Variants in ACACA observed in about 807,000 individuals in gnomAD.
The protein encoded by ACACA is acetyl-CoA carboxylase alpha.
In ACACA, 103 loss-of-function variants were observed where a neutral mutation model predicts 296.1. The ratio of observed to expected loss-of-function variants is 0.35; its 90% CI spans 0.30 to 0.41. The LOEUF is 0.41. ACACA is among the 10% of genes least tolerant of loss of function. The pLI is 1.00. For synonymous variants in ACACA, 953 were observed against 1,038.6 expected, an observed-to-expected ratio of 0.92 and a Z score of 1.58; for missense variants, 1,554 against 2,989.7, an observed-to-expected ratio of 0.52 and a Z score of 11.20.
chr17:37,171,377 T>C (rs1042385258), intron 41 of ACACA, among the ~76,000 whole-genome samples: 1 of 152,152 alleles, frequency 6.6e-6, no homozygotes, highest in African/African-American at 2.4e-5. Flanking sequence ...CTCAGATATA[T>C]AACAAAATGT....
chr17:37,131,711 A>G (rs558479884), intron 45 of ACACA, among the ~76,000 whole-genome samples: 3 of 152,344 alleles, frequency 2.0e-5, no homozygotes, highest in South Asian at 2.1e-4. Context: ...GTTGGTGACC[A>G]AAGTAATAAC....
chr17:37,087,358 T>TTCTGC lies in ACACA; in HGVS notation c.7105_7109dup (p.Val2371GlnfsTer95), dbSNP rs747511870. The TTCTGC allele has an allele frequency of 6.2e-7, 1 of 1,614,134 alleles. No homozygotes were observed. Among genetic ancestry groups the TTCTGC allele is most frequent in the Non-Finnish European group, 8.5e-7 (1 of 1,180,018 alleles). On this transcript the variant is annotated frameshift_variant, in exon 56 of 56. Transcript: ENST00000616317. LOFTEE classifies it high-confidence loss of function. ...CCATTGTGGAGAGGATCCGTATGAC[T>TTCTGC]TCTGCTCGCTGAGTGGGTGATATGT... is the stretch of plus-strand genomic sequence containing the variant.
chr17:37,181,395 G>GA (rs753158821), intron 39 of ACACA, 39 bp from the exon 40 acceptor site: 44 of 1,612,398 alleles, frequency 2.7e-5, no homozygotes, highest in Non-Finnish European at 3.4e-5. Flanking sequence ...TTAAGAGACA[G>GA]AAAAAAATCA....
At chr17:37,122,876 C>T in intron 48 of ACACA, 2 of 579,432 alleles carry the variant, frequency 3.5e-6, no homozygotes, top group South Asian at 3.9e-5. Flanking sequence ...TAAATTCAAA[C>T]CAAGGGCTGT....
intron 3 of ACACA, chr17:37,299,627 A>C (rs901974575): frequency 1.1e-5 from 13 of 1,175,628 alleles, no homozygotes; most frequent in Non-Finnish European, 1.4e-5. Context: ...AACTGAGAGG[A>C]GCCGGGGAGA....
At chr17:37,137,142 C>T (rs1214324659) in intron 45 of ACACA, among the ~76,000 whole-genome samples, 2 of 152,008 alleles carry the variant, frequency 1.3e-5, no homozygotes, top group Non-Finnish European at 2.9e-5. Flanking sequence ...TGTTTTCTTA[C>T]TGAGTTTGAG....
intron 3 of ACACA, among the ~76,000 whole-genome samples, chr17:37,290,217 T>C (rs568404763): frequency 2.0e-5 from 3 of 152,190 alleles, no homozygotes; most frequent in African/African-American, 4.8e-5. Context: ...TCGACTAATT[T>C]TTTCTATTTT....
In ACACA at chr17:37,381,812, A is replaced by G. The variant is rs541032723; in HGVS notation, c.38+24450T>C. Among the ~76,000 whole-genome samples, 13 of 151,716 alleles carry G rather than the reference A, an allele frequency of 8.6e-5. No homozygotes were observed. The South Asian group carries it at 1.9e-3, about 22-fold the overall frequency. On this transcript the variant is annotated intron_variant, in intron 1 of 55. Coordinates refer to ENST00000616317, the MANE Select transcript of ACACA (RefSeq NM_198834.3). ...CCAGTTAATTTTTTGTATTTTTGGT[A>G]GAGATGGGGTTTCACCGTGTTGGCC...
At position 37,373,587 on chromosome 17, in the gene ACACA, A is replaced by G. The variant is rs192068169; in HGVS notation, c.38+32675T>C. Among the ~76,000 whole-genome samples the G allele has an allele frequency of 6.2e-3, 939 of 152,312 alleles. 31 individuals carry two copies. Among genetic ancestry groups the G allele is most frequent in the Admixed American group, 0.056 (853 of 15,292 alleles). The stretch of plus-strand genomic sequence containing the variant: ...TCTTTAAGTTACAAAAGAAAAGGGT[A>G]GGGTCTGCGAGGTGATCAAAGAAAA... On this transcript the variant is annotated intron_variant, in intron 1 of 55. Transcript: ENST00000616317.
intron 1 of ACACA, among the ~76,000 whole-genome samples, chr17:37,396,979 C>A (rs145964206): frequency 1.3e-5 from 2 of 152,180 alleles, no homozygotes; most frequent in Non-Finnish European, 2.9e-5. Flanking sequence ...TGTTGGTTTG[C>A]TGCACCCATT....
intron 41 of ACACA, among the ~76,000 whole-genome samples, chr17:37,167,037 C>T (rs1018660568): frequency 6.6e-6 from 1 of 151,306 alleles, no homozygotes. Flanking sequence ...CTCCACCTCC[C>T]GAGTTCAAGC....
chr17:37,222,216 G>C (rs1451970104), intron 28 of ACACA, among the ~76,000 whole-genome samples: 1 of 152,146 alleles, frequency 6.6e-6, no homozygotes, highest in African/African-American at 2.4e-5. Context: ...TGAGAAAAAT[G>C]AGAGGTGCTG....
At chr17:37,178,845 T>C (rs780278393) in intron 41 of ACACA, among the ~76,000 whole-genome samples, 5 of 151,956 alleles carry the variant, frequency 3.3e-5, no homozygotes, top group Non-Finnish European at 7.4e-5. Context: ...ATTTCACACA[T>C]AGACAAAAAC....
intron 45 of ACACA, among the ~76,000 whole-genome samples, chr17:37,136,446 G>A (rs1041295214): frequency 8.5e-5 from 13 of 152,210 alleles, no homozygotes; most frequent in African/African-American, 2.7e-4. Context: ...TTGGTAACCC[G>A]TTTGCCTGTT....
intron 25 of ACACA, among the ~76,000 whole-genome samples, chr17:37,228,206 C>CTTTTTTTTTTTT (rs11299899): frequency 9.4e-6 from 1 of 106,056 alleles, no homozygotes; most frequent in Non-Finnish European, 1.8e-5. Context: ...TTCTCAAACC[C>CTTTTTTTTTTTT]TTTTTTTTTT....
intron 10 of ACACA, 148 bp from the exon 11 acceptor site, chr17:37,264,042 A>G (rs2081634182): frequency 1.5e-6 from 1 of 661,336 alleles, no homozygotes; most frequent in East Asian, 2.7e-5. Flanking sequence ...TGAATAAAAT[A>G]CAGTCCATGC....
Position 37,252,026 on chromosome 17 carries a change from T to C in ACACA, c.2060A>G (p.Asn687Ser). ...ADVSLRNSVS[N>S]FLHSLERGQV... Reference sequence around the variant, plus strand: ...CTACCTTTCTAAGGAGTGAAGGAAGTTAGAGACGCTATTCCGCAGGCTCAC... The same window carrying C: ...CTACCTTTCTAAGGAGTGAAGGAAGCTAGAGACGCTATTCCGCAGGCTCAC... Residue 687 changes from asparagine (N) to serine (S), a missense_variant, in exon 16 of 56, where the codon AAC becomes AGC. Asn to Ser is a conservative substitution (Grantham distance 46). This residue lies in a region of ACACA where 316 missense variants were observed against 540.9 expected (regional missense o/e 0.58). Transcript: ENST00000616317. 1 of 1,614,118 alleles carries C rather than the reference T, an allele frequency of 6.2e-7. No individual in the cohort carries two copies. The highest frequency in any genetic ancestry group is 8.5e-7 in the Non-Finnish European group (1 of 1,180,018).
chr17:37,134,522 G>A (rs193268982), intron 45 of ACACA, among the ~76,000 whole-genome samples: 1 of 152,220 alleles, frequency 6.6e-6, no homozygotes, highest in Non-Finnish European at 1.5e-5. Context: ...ACATTATGTT[G>A]GGGACCCTTA....
intron 40 of ACACA, among the ~76,000 whole-genome samples, chr17:37,180,012 A>C (rs962667753): frequency 2.0e-5 from 3 of 152,186 alleles, no homozygotes; most frequent in African/African-American, 7.2e-5. Flanking sequence ...TATGATTTCC[A>C]TTTCCAACTT....
Sources: allele counts gnomAD v4.1 joint callset (sites outside exome capture counted in the v4.1 genomes callset), GRCh38; gene constraint gnomAD v4.1.1; regional missense constraint gnomAD v4.1.1; transcripts MANE v1.5; gene names NCBI Gene and HGNC (gene_info 2026-07-23, HGNC 2026-07-21).